Variants in HDAC9 observed in about 807,000 individuals in gnomAD.
The protein encoded by HDAC9 is MEF-2 interacting transcription repressor (MITR) protein.
HDAC9 carries 41 observed loss-of-function variants against 139.4 expected under a neutral mutation model. That is an observed-to-expected ratio of 0.29 (90% CI 0.23 to 0.38). HDAC9 has a LOEUF of 0.38. Ranked by LOEUF, HDAC9 falls within the 10% of genes least tolerant of loss-of-function variation. The pLI is 1.00. For missense variants in HDAC9, 1,147 were observed against 1,297.0 expected (o/e 0.88, Z 1.78); for synonymous variants, 517 against 476.2 (o/e 1.09, Z -1.12).
At position 18,722,684 on chromosome 7, in the gene HDAC9, T is replaced by TAATA. The variant is rs573736485; in HGVS notation, c.1732-4895_1732-4892dup. ...TGGCATTTAATGATAACTCAGTGATTAATATGCAGTATAATAACATGTGGT... is the reference window on the plus strand; with the variant it reads ...TGGCATTTAATGATAACTCAGTGATTAATAAATATGCAGTATAATAACATGTGGT... On this transcript the variant is annotated intron_variant, in intron 12 of 25. Coordinates refer to ENST00000686413, the MANE Select transcript of HDAC9 (RefSeq NM_178425.4). Among the ~76,000 whole-genome samples the TAATA allele has an allele frequency of 4.3e-3, 649 of 152,268 alleles. 3 individuals are homozygous for TAATA. Among genetic ancestry groups the TAATA allele is most frequent in the Non-Finnish European group, 7.1e-3 (481 of 67,990 alleles).
At chr7:18,783,910 A>G (rs1188130960) in intron 16 of HDAC9, among the ~76,000 whole-genome samples, 1 of 152,016 alleles carries the variant, frequency 6.6e-6, no homozygotes, top group East Asian at 1.9e-4. Flanking sequence ...CCTTAAGACA[A>G]AAATTGTTTG....
At chr7:18,231,255 T>C (rs769523668) in intron 2 of HDAC9, among the ~76,000 whole-genome samples, 3 of 152,222 alleles carry the variant, frequency 2.0e-5, no homozygotes, top group African/African-American at 7.2e-5. Flanking sequence ...AAGAATTAAA[T>C]TGGATTGCCC....
chr7:18,577,188 T>A (rs556816421), intron 2 of HDAC9, among the ~76,000 whole-genome samples: 1 of 152,338 alleles, frequency 6.6e-6, no homozygotes, highest in African/African-American at 2.4e-5. Flanking sequence ...ATAACTTGTC[T>A]CTCTGACAGT....
chr7:18,172,272 A>G (rs1276782354), intron 2 of HDAC9, among the ~76,000 whole-genome samples: 1 of 152,126 alleles, frequency 6.6e-6, no homozygotes, highest in Non-Finnish European at 1.5e-5. Context: ...GGTAGTTTGT[A>G]TTTCCGTGGG....
chr7:18,326,944 A>G (rs1483828185), intron 1 of HDAC9, among the ~76,000 whole-genome samples: 1 of 151,898 alleles, frequency 6.6e-6, no homozygotes, highest in Non-Finnish European at 1.5e-5. Flanking sequence ...ATTTTCTGTC[A>G]TTTCATCATT....
At chr7:18,933,779 A>G (rs1160909975) in intron 22 of HDAC9, among the ~76,000 whole-genome samples, 1 of 152,170 alleles carries the variant, frequency 6.6e-6, no homozygotes, top group Non-Finnish European at 1.5e-5. Flanking sequence ...AAGAAGAAAT[A>G]AAAACATAAA....
At chr7:18,498,943 G>T (rs1205538926) in intron 2 of HDAC9, among the ~76,000 whole-genome samples, 3 of 151,958 alleles carry the variant, frequency 2.0e-5, no homozygotes, top group Non-Finnish European at 4.4e-5. Context: ...GGTCACATGG[G>T]GGAAATGATT....
intron 1 of HDAC9, among the ~76,000 whole-genome samples, chr7:18,406,038 A>C (rs889263610): frequency 6.6e-6 from 1 of 152,226 alleles, no homozygotes; most frequent in Non-Finnish European, 1.5e-5. Flanking sequence ...CATTGGTTGT[A>C]AATATATGTT....
At chr7:18,329,109 C>A (rs1800699556) in intron 1 of HDAC9, among the ~76,000 whole-genome samples, 1 of 151,736 alleles carries the variant, frequency 6.6e-6, no homozygotes, top group Non-Finnish European at 1.5e-5. Flanking sequence ...TTATAATAGT[C>A]TCTTCTGATC....
chr7:18,247,807 A>G (rs1794652560), intron 2 of HDAC9, among the ~76,000 whole-genome samples: 1 of 152,190 alleles, frequency 6.6e-6, no homozygotes, highest in African/African-American at 2.4e-5. Flanking sequence ...CAAGATAAGG[A>G]GAGAAAAGAA....
At chr7:18,943,754 T>C (rs1326376275) in intron 23 of HDAC9, among the ~76,000 whole-genome samples, 1 of 152,140 alleles carries the variant, frequency 6.6e-6, no homozygotes, top group Admixed American at 6.5e-5. Context: ...CTGATGACCA[T>C]GACTGTTCCC....
chr7:18,709,044 C>G (rs1451137776), intron 12 of HDAC9, among the ~76,000 whole-genome samples: 1 of 150,470 alleles, frequency 6.6e-6, no homozygotes, highest in Non-Finnish European at 1.5e-5. Flanking sequence ...GATTCCCAAC[C>G]AAGAAAAAAG....
chr7:18,742,753 G>A (rs79118597), intron 13 of HDAC9, among the ~76,000 whole-genome samples: 64 of 151,954 alleles, frequency 4.2e-4, no homozygotes, highest in African/African-American at 1.5e-3. Context: ...ATTCAATAGC[G>A]CTGATCTGGC....
intron 2 of HDAC9, among the ~76,000 whole-genome samples, chr7:18,518,975 A>C (rs930322898): frequency 6.6e-6 from 1 of 152,206 alleles, no homozygotes; most frequent in African/African-American, 2.4e-5. Flanking sequence ...TGTGGTAGAA[A>C]TTGAATCTTT....
chr7:18,438,308 C>G (rs1366711155), intron 1 of HDAC9, among the ~76,000 whole-genome samples: 1 of 151,938 alleles, frequency 6.6e-6, no homozygotes, highest in African/African-American at 2.4e-5. Context: ...GATAAAAAAT[C>G]TAAAAAGATT....
At chr7:18,200,647 A>T (rs1791051923) in intron 2 of HDAC9, among the ~76,000 whole-genome samples, 1 of 152,184 alleles carries the variant, frequency 6.6e-6, no homozygotes, top group Non-Finnish European at 1.5e-5. Flanking sequence ...ACCATCGAGC[A>T]ATTGGGAGTT....
At chr7:18,663,388 A>T (rs996525384) in intron 11 of HDAC9, among the ~76,000 whole-genome samples, 3 of 151,998 alleles carry the variant, frequency 2.0e-5, no homozygotes, top group African/African-American at 7.2e-5. Flanking sequence ...GCTTCCTCTT[A>T]GTTATTGAAT....
At chr7:18,622,454 C>T (rs929417343) in intron 6 of HDAC9, among the ~76,000 whole-genome samples, 3 of 152,170 alleles carry the variant, frequency 2.0e-5, no homozygotes, top group Non-Finnish European at 2.9e-5. Flanking sequence ...TCCCAAGTAG[C>T]TGGGATTACA....
chr7:18,791,295 ATTTAT>A (rs1216154700), intron 16 of HDAC9, among the ~76,000 whole-genome samples: 3 of 152,166 alleles, frequency 2.0e-5, no homozygotes, highest in Admixed American at 6.5e-5. Flanking sequence ...TTTGGAATTT[ATTTAT>A]TTTATTTTTT....
Sources: gnomAD v4.1 joint callset for allele counts (sites outside exome capture counted in the v4.1 genomes callset) on GRCh38, gnomAD v4.1.1 for gene constraint, MANE v1.5 for transcripts, NCBI Gene and HGNC (gene_info 2026-07-23, HGNC 2026-07-21) for gene names.